The following DNAH11 variants were observed in gnomAD, a reference collection of about 807,000 sequenced individuals.
DNAH11 encodes axonemal beta dynein heavy chain 11.
A neutral mutation model predicts 526.0 loss-of-function variants in DNAH11; 442 were observed. The ratio of observed to expected loss-of-function variants is 0.84; its 90% CI spans 0.78 to 0.91. The LOEUF is 0.91. DNAH11 is among the 40% of genes least tolerant of loss of function. DNAH11 has a pLI of 0.00. For synonymous variants in DNAH11, 2,461 were observed against 1,935.9 expected (o/e 1.27, Z -7.12); for missense variants, 6,989 against 5,448.7 (o/e 1.28, Z -8.90).
intron 76 of DNAH11, among the ~76,000 whole-genome samples, chr7:21,891,509 T>C (rs1186549792): frequency 1.3e-5 from 2 of 152,214 alleles, no homozygotes; most frequent in Non-Finnish European, 2.9e-5. Context: ...CTTGATTGAC[T>C]CTGTGTTTAT....
At chr7:21,720,928 A>G in intron 44 of DNAH11, 72 bp downstream of exon 44, 1 of 1,552,428 alleles carries the variant, frequency 6.4e-7, no homozygotes, top group Non-Finnish European at 8.7e-7. Context: ...AGGTTAAAAC[A>G]TGTGATCTGT....
intron 41 of DNAH11, 65 bp from the exon 42 acceptor site, chr7:21,711,647 T>C (rs1784466984): frequency 6.4e-6 from 10 of 1,568,596 alleles, no homozygotes; most frequent in Non-Finnish European, 7.8e-6. Flanking sequence ...GGGAAAGTAC[T>C]TGTTGCTTCT....
intron 57 of DNAH11, among the ~76,000 whole-genome samples, chr7:21,780,543 A>T (rs765936291): frequency 1.8e-4 from 27 of 152,292 alleles, no homozygotes; most frequent in Non-Finnish European, 2.9e-4. Flanking sequence ...CATCACAGAT[A>T]CTTTTTGGAA....
chr7:21,548,457 A>G (rs62439332), intron 2 of DNAH11, among the ~76,000 whole-genome samples: 29,531 of 152,148 alleles, frequency 0.19, 2,938 homozygotes, highest in Middle Eastern at 0.27. Flanking sequence ...TGGGCCTTAA[A>G]TTTATTAGGC....
At chr7:21,709,259 C>T (rs1479446646) in intron 40 of DNAH11, among the ~76,000 whole-genome samples, 2 of 152,170 alleles carry the variant, frequency 1.3e-5, no homozygotes, top group Non-Finnish European at 2.9e-5. Flanking sequence ...AGGACAACAT[C>T]ATGTTTTTTT....
chr7:21,841,026 A>G (rs1156464445), intron 65 of DNAH11, among the ~76,000 whole-genome samples: 2 of 152,090 alleles, frequency 1.3e-5, no homozygotes, highest in African/African-American at 4.8e-5. Context: ...TACTAAAAAT[A>G]TACAAAAATT....
intron 45 of DNAH11, among the ~76,000 whole-genome samples, chr7:21,727,751 C>T (rs1264778615): frequency 1.3e-5 from 2 of 152,134 alleles, no homozygotes; most frequent in African/African-American, 2.4e-5. Context: ...ACAGAAAGCC[C>T]AGTGCATTCA....
chr7:21,543,124 C>T lies in DNAH11; in HGVS notation c.-122C>T, dbSNP rs1042048056. On this transcript the variant is annotated 5_prime_UTR_variant, in exon 1 of 82. Transcript: ENST00000409508. ...GTAGCAGCAGGTGGGAGACTAGGGT[C>T]TGCGCTCGCGGCGACCGCGGAGGAG... is the stretch of plus-strand genomic sequence containing the variant. 7.0e-7 allele frequency: 1 copy of T among 1,432,916 alleles called. No homozygotes were observed. 88.8% of individuals were successfully genotyped at this position (1,432,916 alleles called of 1,614,324 possible).
intron 43 of DNAH11, among the ~76,000 whole-genome samples, chr7:21,719,153 G>C (rs983497379): frequency 1.3e-5 from 2 of 152,104 alleles, no homozygotes; most frequent in African/African-American, 4.8e-5. Flanking sequence ...TTCTTTTGTT[G>C]TATTCAGAAA....
intron 26 of DNAH11, among the ~76,000 whole-genome samples, chr7:21,637,180 GTC>G (rs1258268229): frequency 6.6e-6 from 1 of 151,724 alleles, no homozygotes; most frequent in Admixed American, 6.6e-5. Context: ...CTCATTCTCT[GTC>G]TCTCTCTTTC....
At chr7:21,622,570 T>A (rs1433325290) in intron 25 of DNAH11, among the ~76,000 whole-genome samples, 1 of 152,162 alleles carries the variant, frequency 6.6e-6, no homozygotes, top group Non-Finnish European at 1.5e-5. Context: ...CTTCAAACTA[T>A]ACTACAAGGC....
chr7:21,810,485 A>G (rs1057301997), intron 63 of DNAH11, among the ~76,000 whole-genome samples: 1 of 152,206 alleles, frequency 6.6e-6, no homozygotes, highest in South Asian at 2.1e-4. Flanking sequence ...AAGTAGGAAA[A>G]TGCAGTGCAA....
At chr7:21,632,869 T>C (rs1045282381) in intron 25 of DNAH11, among the ~76,000 whole-genome samples, 1 of 152,154 alleles carries the variant, frequency 6.6e-6, no homozygotes, top group Non-Finnish European at 1.5e-5. Context: ...CCCCACCCTA[T>C]TGGTACCAAT....
intron 61 of DNAH11, among the ~76,000 whole-genome samples, chr7:21,799,855 TGTTAAA>T (rs1215858079): frequency 6.6e-6 from 1 of 152,244 alleles, no homozygotes; most frequent in Non-Finnish European, 1.5e-5. Flanking sequence ...TAAGTTTTCT[TGTTAAA>T]GTTTCTTGGA....
chr7:21,669,133 C>T (rs1158534437), intron 30 of DNAH11, among the ~76,000 whole-genome samples: 1 of 152,082 alleles, frequency 6.6e-6, no homozygotes, highest in Non-Finnish European at 1.5e-5. Flanking sequence ...TGTGAAGTAT[C>T]TATTAAAATC....
chr7:21,900,100 T>TCCACGGACTCTTCATGGAGG lies in DNAH11; in HGVS notation c.13284_13303dup (p.Gly4435AlafsTer58). ...CACCCGCCAAGGGAAGGTGCATACC[T>TCCACGGACTCTTCATGGAGG]CCACGGACTCTTCATGGAGGGTAAG... On this transcript the variant is annotated frameshift_variant, in exon 81 of 82. Transcript: ENST00000409508. LOFTEE classifies it high-confidence loss of function. 2 of 1,613,438 alleles carry TCCACGGACTCTTCATGGAGG rather than the reference T, an allele frequency of 1.2e-6. No homozygotes were observed. The highest frequency in any genetic ancestry group is 1.7e-6 in the Non-Finnish European group (2 of 1,179,656).
chr7:21,877,475 C>G (rs565499205), intron 74 of DNAH11, among the ~76,000 whole-genome samples: 1 of 152,274 alleles, frequency 6.6e-6, no homozygotes, highest in East Asian at 1.9e-4. Flanking sequence ...AATACTAGTG[C>G]TTTATTATCC....
intron 26 of DNAH11, among the ~76,000 whole-genome samples, chr7:21,637,128 A>G (rs1241570664): frequency 6.6e-6 from 1 of 152,008 alleles, no homozygotes; most frequent in Non-Finnish European, 1.5e-5. Flanking sequence ...TATCTCTCTC[A>G]TTTTTATATG....
chr7:21,718,265 CT>C (rs1784744561), intron 43 of DNAH11, among the ~76,000 whole-genome samples: 1 of 152,098 alleles, frequency 6.6e-6, no homozygotes, highest in Non-Finnish European at 1.5e-5. Context: ...CACTGTGTTC[CT>C]TTCCAGTGTC....
Sources: gnomAD v4.1 joint callset for allele counts (sites outside exome capture counted in the v4.1 genomes callset) on GRCh38, gnomAD v4.1.1 for gene constraint, MANE v1.5 for transcripts, NCBI Gene and HGNC (gene_info 2026-07-23, HGNC 2026-07-21) for gene names.